The following SLC6A17 variants were observed in gnomAD, a reference collection of about 807,000 sequenced individuals.
SLC6A17 encodes the protein solute carrier family 6 member 17.
In SLC6A17, 21 loss-of-function variants were observed where a neutral mutation model predicts 64.5. The ratio of observed to expected loss-of-function variants is 0.33; its 90% CI spans 0.23 to 0.47. SLC6A17 has a LOEUF of 0.47. Ranked by LOEUF, SLC6A17 falls within the 20% of genes least tolerant of loss-of-function variation. The pLI is 1.00. For synonymous variants in SLC6A17, 372 were observed against 399.5 expected, an observed-to-expected ratio of 0.93 and a Z score of 0.82; for missense variants, 682 against 963.2, an observed-to-expected ratio of 0.71 and a Z score of 3.86.
rs1657058689 is a variant in SLC6A17, at chr1:110,199,415, G to A, written c.*971G>A. Reference sequence around the variant, plus strand: ...ACACTCCCCTCCCTCCTCACCTGGGGTCCAATGTTCTGTCTAGTGGCAGCT... The same window carrying A: ...ACACTCCCCTCCCTCCTCACCTGGGATCCAATGTTCTGTCTAGTGGCAGCT... On this transcript the variant is annotated 3_prime_UTR_variant, in exon 12 of 12. Coordinates refer to ENST00000331565, the MANE Select transcript of SLC6A17 (RefSeq NM_001010898.4). 1 of 152,440 alleles carries A rather than the reference G, an allele frequency of 6.6e-6. No individual in the cohort carries two copies. Among genetic ancestry groups the A allele is most frequent in the African/African-American group, 2.4e-5 (1 of 41,472 alleles). The allele number at this position is 152,440 out of a possible 1,614,324, so 9.4% of individuals were successfully genotyped here.
At chr1:110,186,961 G>C (rs1656701501) in intron 6 of SLC6A17, among the ~76,000 whole-genome samples, 1 of 152,194 alleles carries the variant, frequency 6.6e-6, no homozygotes, top group African/African-American at 2.4e-5. Flanking sequence ...TACAGCCTAG[G>C]CAAAGGCCAG....
chr1:110,195,009 TG>T, intron 9 of SLC6A17: 1 of 572,040 alleles, frequency 1.7e-6, no homozygotes, highest in South Asian at 2.0e-5. Flanking sequence ...TAGGCCCCTT[TG>T]TTAGTTCACT....
At chr1:110,197,058 CTAG>C (rs1656987886) in intron 10 of SLC6A17, among the ~76,000 whole-genome samples, 1 of 152,226 alleles carries the variant, frequency 6.6e-6, no homozygotes, top group South Asian at 2.1e-4. Context: ...CCTTTGGACT[CTAG>C]AGAAGTGCAC....
intron 9 of SLC6A17, 65 bp from the exon 10 acceptor site, chr1:110,195,521 G>A (rs544625108): frequency 2.5e-5 from 40 of 1,584,038 alleles, no homozygotes; most frequent in Middle Eastern, 2.3e-4. Flanking sequence ...GGGTGCCCCC[G>A]AGACCCCCAG....
intron 6 of SLC6A17, among the ~76,000 whole-genome samples, chr1:110,182,310 G>A (rs1297106663): frequency 6.6e-6 from 1 of 152,224 alleles, no homozygotes; most frequent in African/African-American, 2.4e-5. Context: ...GGGGAAGACA[G>A]TGGAGGGAAC....
At position 110,201,373 on chromosome 1, in the gene SLC6A17, C is replaced by G. The variant is rs1384424571; in HGVS notation, c.*2929C>G. On this transcript the variant is annotated 3_prime_UTR_variant, in exon 12 of 12. Transcript: ENST00000331565. ...GTCCCCAAGTCCCTTCACAGGGTCC[C>G]CACCCCCACTGGCTTTGGTGCTGTC... 1 of 152,340 alleles carries G rather than the reference C, an allele frequency of 6.6e-6. No individual in the cohort carries two copies. The highest frequency in any genetic ancestry group is 2.4e-5 in the African/African-American group (1 of 41,420). 9.4% of individuals were successfully genotyped at this position (152,340 alleles called of 1,614,324 possible).
rs911036632 is a variant in SLC6A17, at chr1:110,198,608, C to T, written c.*164C>T. 19 of 1,207,462 alleles carry T rather than the reference C, an allele frequency of 1.6e-5. No homozygotes were observed. The Admixed American group carries it at 2.7e-4, about 17-fold the overall frequency. 74.8% of individuals were successfully genotyped at this position (1,207,462 alleles called of 1,614,324 possible). A position where few individuals can be genotyped will look rare whatever the true frequency, so the allele number is the denominator to read the frequency against. ...CCCTCTTCAGTCCCAGTAGACTCTG[C>T]TCCCTAGCCCTGAGCAGGAGGCTGG... On this transcript the variant is annotated 3_prime_UTR_variant, in exon 12 of 12. Transcript: ENST00000331565.
At chr1:110,184,689 GCAGTGGCCC>G (rs1289723951) in intron 6 of SLC6A17, among the ~76,000 whole-genome samples, 18 of 152,202 alleles carry the variant, frequency 1.2e-4, no homozygotes, top group Admixed American at 3.3e-4. Context: ...GGGAGCAAGG[GCAGTGGCCC>G]CAGGAGTGTG....
chr1:110,188,836 C>A (rs996014872), intron 6 of SLC6A17, among the ~76,000 whole-genome samples: 1 of 152,180 alleles, frequency 6.6e-6, no homozygotes. Flanking sequence ...GCCTCCATTT[C>A]CTCCCCTCTG....
Position 110,173,993 on chromosome 1 carries a change from G to A in SLC6A17, c.465G>A (p.Leu155=), listed in dbSNP as rs529368934. The A allele has an allele frequency of 1.3e-5, 21 of 1,614,034 alleles. No individual in the cohort carries two copies. Among genetic ancestry groups the A allele is most frequent in the Non-Finnish European group, 1.8e-5 (21 of 1,179,968 alleles). Residue 155 remains leucine, a synonymous_variant, in exon 4 of 12, where the codon CTG becomes CTA. Transcript: ENST00000331565. The part of the protein sequence containing the change: ...SSCIVCLFVG[L]YYNVIIGWSI... ...CCCAGGTCTGTCTCTTTGTGGGGCT[G>A]TATTATAATGTGATCATCGGGTGGA...
chr1:110,160,000 C>T (rs1655865083), intron 1 of SLC6A17, among the ~76,000 whole-genome samples: 1 of 152,132 alleles, frequency 6.6e-6, no homozygotes, highest in African/African-American at 2.4e-5. Flanking sequence ...AATGGAAGAC[C>T]AAAACACAAA....
intron 3 of SLC6A17, 75 bp from the exon 4 acceptor site, chr1:110,173,898 G>T: frequency 6.5e-7 from 1 of 1,529,246 alleles, no homozygotes; most frequent in Non-Finnish European, 8.8e-7. Flanking sequence ...CCGACGTGCT[G>T]GGCCTCGGGT....
In SLC6A17 at chr1:110,198,357, C is replaced by T. The variant is rs1385059935; in HGVS notation, c.2097C>T (p.Ser699=). The change falls in exon 12 of 12, where the codon AGC becomes AGT. Residue 699 remains serine, a synonymous_variant. Transcript: ENST00000331565. ...PTHRSYLGPG[S]TSPLETSGNP... is the part of the protein sequence containing the mutation. ...ACCGTTCCTATCTGGGGCCCGGCAG[C>T]ACATCACCCCTGGAGACCAGCGGTA... is the stretch of plus-strand genomic sequence containing the variant. The T allele has an allele frequency of 6.2e-7, 1 of 1,614,170 alleles. No homozygotes were observed. Among genetic ancestry groups the T allele is most frequent in the South Asian group, 1.1e-5 (1 of 91,088 alleles).
chr1:110,197,516 C>T lies in SLC6A17; in HGVS notation c.1732C>T (p.Leu578=). 1 of 1,613,840 alleles carries T rather than the reference C, an allele frequency of 6.2e-7. No individual in the cohort carries two copies. The highest frequency in any genetic ancestry group is 8.5e-7 in the Non-Finnish European group (1 of 1,179,970). Residue 578 remains leucine, a synonymous_variant, in exon 11 of 12, where the codon CTA becomes TTA. Transcript: ENST00000331565. ...YFYMWKFVSP[L]CMAVLTTASI... is the part of the protein sequence containing the mutation. ...CTACATGTGGAAGTTCGTGTCTCCA[C>T]TATGCATGGCTGTGCTCACCACAGC...
At chr1:110,164,982 C>T (rs1656005087) in intron 1 of SLC6A17, among the ~76,000 whole-genome samples, 1 of 152,214 alleles carries the variant, frequency 6.6e-6, no homozygotes, top group African/African-American at 2.4e-5. Context: ...TGGCTGGAGA[C>T]AGGCTCTGAG....
rs553095368 is a variant in SLC6A17, at chr1:110,186,555, A to C, written c.865-5417A>C. 3.3e-5 allele frequency among the ~76,000 whole-genome samples: 5 copies of C among 152,298 alleles called. No individual in the cohort carries two copies. The South Asian group carries it at 1.0e-3, about 32-fold the overall frequency. On this transcript the variant is annotated intron_variant, in intron 6 of 11. Coordinates refer to ENST00000331565, the MANE Select transcript of SLC6A17 (RefSeq NM_001010898.4). ...TTTGAAGTCCTAAGATCGTCCTCTT[A>C]TTCTAGAAGACAGCATCTTAGCCCA...
At chr1:110,197,985 A>G in intron 11 of SLC6A17, 91 bp from the exon 12 acceptor site, 1 of 1,517,492 alleles carries the variant, frequency 6.6e-7, no homozygotes, top group South Asian at 1.3e-5. Context: ...GTGGAAGGCC[A>G]TGGGTGAGGG....
intron 6 of SLC6A17, among the ~76,000 whole-genome samples, chr1:110,183,044 G>A (rs1476450299): frequency 5.3e-5 from 8 of 152,152 alleles, no homozygotes; most frequent in African/African-American, 1.7e-4. Context: ...ATGGTATAAT[G>A]GCTTTGGAAA....
At position 110,174,929 on chromosome 1, in the gene SLC6A17, C is replaced by T; in HGVS notation, c.722C>T (p.Ala241Val). The T allele has an allele frequency of 6.2e-7, 1 of 1,614,070 alleles. No homozygotes were observed. The highest frequency in any genetic ancestry group is 8.5e-7 in the Non-Finnish European group (1 of 1,179,980). The change falls in exon 5 of 12, where the codon GCT (alanine) becomes GTT (valine). Residue 241 changes from alanine to valine, a missense_variant. By Grantham distance (64) the Ala-to-Val change is moderately conservative. Coordinates refer to ENST00000331565, the MANE Select transcript of SLC6A17 (RefSeq NM_001010898.4). Reference sequence around the variant, plus strand: ...GTGGCCTGGAGCATCGTGGGGATGGCTGTCGTTAAGGGCATCCAGTCCTCG... The same window carrying T: ...GTGGCCTGGAGCATCGTGGGGATGGTTGTCGTTAAGGGCATCCAGTCCTCG... ...LLVAWSIVGM[A>V]VVKGIQSSGK... is the part of the protein sequence containing the mutation.
Sources: allele counts gnomAD v4.1 joint callset (sites outside exome capture counted in the v4.1 genomes callset), GRCh38; gene constraint gnomAD v4.1.1; transcripts MANE v1.5; gene names NCBI Gene and HGNC (gene_info 2026-07-23, HGNC 2026-07-21).